The following EP400 variants were observed in gnomAD, a reference collection of about 807,000 sequenced individuals.
EP400 encodes E1A-binding protein p400.
Under a neutral mutation model 354.1 loss-of-function variants are expected in EP400, and 105 were observed. The observed-to-expected ratio is 0.30, with a 90% CI of 0.25 to 0.35. The LOEUF (loss-of-function observed/expected upper bound fraction) is 0.35, where lower values mean the gene tolerates loss of function less well. Among genes scored for constraint, EP400 ranks in the 10% least tolerant of loss-of-function variants. EP400 has a pLI of 1.00. For synonymous variants in EP400, 1,646 were observed against 1,716.9 expected (o/e 0.96, Z 1.02); for missense variants, 3,280 against 4,121.0 (o/e 0.80, Z 5.59).
chr12:132,031,716 C>T (rs1025079846), intron 29 of EP400, among the ~76,000 whole-genome samples: 3 of 152,048 alleles, frequency 2.0e-5, no homozygotes, highest in African/African-American at 7.2e-5. Flanking sequence ...CCACCACGCC[C>T]AGCTAATTTT....
In EP400 at chr12:132,062,734, C is replaced by T. The variant is rs374016272; in HGVS notation, c.8334+33C>T. On this transcript the variant is annotated intron_variant, in intron 47 of 52. Coordinates refer to ENST00000389561, the MANE Select transcript of EP400 (RefSeq NM_015409.5). The stretch of plus-strand genomic sequence containing the variant: ...TTTCCCAGAGGACCATGAACGTGTG[C>T]GTCTTGCGGTCAGTCAGCCCAGCGT... The T allele has an allele frequency of 1.9e-5, 30 of 1,607,666 alleles. No homozygotes were observed. The East Asian group carries it at 3.1e-4, about 17-fold the overall frequency.
rs1027786257 is a variant in EP400, at chr12:132,018,119, C to T, written c.4111-91C>T. On this transcript the variant is annotated intron_variant, in intron 20 of 52. Transcript: ENST00000389561. The surrounding 1 kb of genome is among the most constrained non-coding windows in gnomAD (Gnocchi z 4.0). ...TAGAGGGGGCGCGTCTGGATGCCCACGTTAGGGCCCTGCCATAGAAATCAG... is the reference window on the plus strand; with the variant it reads ...TAGAGGGGGCGCGTCTGGATGCCCATGTTAGGGCCCTGCCATAGAAATCAG... 3 of 1,545,752 alleles carry T rather than the reference C, an allele frequency of 1.9e-6. No homozygotes were observed. Among genetic ancestry groups the T allele is most frequent in the African/African-American group, 1.4e-5 (1 of 72,066 alleles).
intron 47 of EP400, among the ~76,000 whole-genome samples, chr12:132,063,984 C>A (rs1187840997): frequency 4.0e-5 from 6 of 150,886 alleles, no homozygotes; most frequent in Non-Finnish European, 7.4e-5. Flanking sequence ...CCCACAGCCA[C>A]ACAGGTACCT....
intron 47 of EP400, among the ~76,000 whole-genome samples, chr12:132,063,199 T>C (rs1895765317): frequency 6.6e-6 from 1 of 152,230 alleles, no homozygotes. Flanking sequence ...CTGTTCTTTA[T>C]GTAAATATAT....
At position 132,066,986 on chromosome 12, in the gene EP400, A is replaced by T. The variant is rs552403555; in HGVS notation, c.8749+17A>T. ...AGGCAGCAGGTGCCCGCCCCAGCAC[A>T]CCCTCCCGTCCTGGGCTTGAGCCTG... On this transcript the variant is annotated intron_variant, in intron 49 of 52. Coordinates refer to ENST00000389561, the MANE Select transcript of EP400 (RefSeq NM_015409.5). 1.9e-6 allele frequency: 3 copies of T among 1,574,394 alleles called. No individual in the cohort carries two copies. The highest frequency in any genetic ancestry group is 1.8e-5 in the Admixed American group (1 of 54,140).
intron 5 of EP400, among the ~76,000 whole-genome samples, chr12:131,984,085 A>T (rs1446777313): frequency 6.6e-6 from 1 of 152,028 alleles, no homozygotes; most frequent in Admixed American, 6.6e-5. Flanking sequence ...TTTTTAGTAA[A>T]GACGAGGTTT....
intron 12 of EP400, among the ~76,000 whole-genome samples, chr12:131,995,999 C>T (rs145931362): frequency 6.6e-6 from 1 of 152,270 alleles, no homozygotes; most frequent in African/African-American, 2.4e-5. Context: ...TTCATACGAA[C>T]GAATCCACCA....
rs575902813 is a variant in EP400, at chr12:131,994,904, A to T, written c.2775A>T (p.Ala925=). 3.1e-6 allele frequency: 5 copies of T among 1,614,186 alleles called. No homozygotes were observed. The East Asian group carries it at 1.1e-4, about 36-fold the overall frequency. Reference sequence around the variant, plus strand: ...AGGAAACAATTGAAGAGGAGGAAGCAAATGAAGGCGTTGTGGACCACCAAA... The same window carrying T: ...AGGAAACAATTGAAGAGGAGGAAGCTAATGAAGGCGTTGTGGACCACCAAA... ...DEEETIEEEE[A]NEGVVDHQTE... is the part of the protein sequence containing the mutation. Residue 925 remains alanine, a synonymous_variant, in exon 12 of 53, where the codon GCA becomes GCT. Transcript: ENST00000389561. The surrounding 1 kb of genome is among the most constrained non-coding windows in gnomAD (Gnocchi z 4.6).
At position 132,027,231 on chromosome 12, in the gene EP400, G is replaced by C. The variant is rs989453385; in HGVS notation, c.5015-206G>C. Reference sequence around the variant, plus strand: ...ATGGCCTGCGAGCCAGCATGCTTCCGTGGCAGGTCTAAAGCATTTAAGTTT... The same window carrying C: ...ATGGCCTGCGAGCCAGCATGCTTCCCTGGCAGGTCTAAAGCATTTAAGTTT... On this transcript the variant is annotated intron_variant, in intron 25 of 52. Transcript: ENST00000389561. This position sits in a 1 kb window ranked among gnomAD's most constrained non-coding sequence, Gnocchi z 4.9. 1.3e-5 allele frequency among the ~76,000 whole-genome samples: 2 copies of C among 152,232 alleles called. No homozygotes were observed. The highest frequency in any genetic ancestry group is 4.8e-5 in the African/African-American group (2 of 41,460).
rs554663829 is a variant in EP400, at chr12:132,066,429, G to A, written c.8554-345G>A. The A allele has an allele frequency of 4.2e-4, 104 of 248,064 alleles. 2 individuals are homozygous for A. The South Asian group carries it at 4.7e-3, about 11-fold the overall frequency. The allele number at this position is 248,064 out of a possible 1,614,324, so 15.4% of individuals were successfully genotyped here. On this transcript the variant is annotated intron_variant, in intron 48 of 52. Transcript: ENST00000389561. ...TGTCGAGTGCTCGCTGAAGGAACAG[G>A]AAGTGAAAAGCCTTCTGTGGGAAAA... is the stretch of plus-strand genomic sequence containing the variant.
chr12:132,046,026 A>ATTCAC (rs1895084486), intron 39 of EP400, 126 bp downstream of exon 39: 1 of 1,237,300 alleles, frequency 8.1e-7, no homozygotes, highest in Non-Finnish European at 1.1e-6. Flanking sequence ...TCTGCGGTGA[A>ATTCAC]GTCCATCTCC....
In EP400 at chr12:132,006,734, C is replaced by T; in HGVS notation, c.3161C>T (p.Ala1054Val). 6.2e-7 allele frequency: 1 copy of T among 1,611,506 alleles called. No individual in the cohort carries two copies. The highest frequency in any genetic ancestry group is 8.5e-7 in the Non-Finnish European group (1 of 1,179,260). Residue 1054 changes from alanine to valine, a missense_variant, in exon 15 of 53, where the codon GCT becomes GTT. By Grantham distance (64) the Ala-to-Val change is moderately conservative. This residue lies in a region of EP400 where 800 missense variants were observed against 840.0 expected (regional missense o/e 0.95). Transcript: ENST00000389561. Reference protein sequence around the residue: ...KFNAPSLLYGALRDYQKIGLD... With the variant: ...KFNAPSLLYGVLRDYQKIGLD... ...AATGCTCCATCTTTGTTGTATGGGG[C>T]TCTCAGAGATTATCAGAAGATTGGC...
rs758885843 is a variant in EP400 at position 131,979,834 on chromosome 12, T to C, written c.1435+41T>C. 15 of 1,524,304 alleles carry C rather than the reference T, an allele frequency of 9.8e-6. No homozygotes were observed. The East Asian group carries it at 3.5e-4, about 36-fold the overall frequency. The allele number at this position is 1,524,304 out of a possible 1,614,324, so 94.4% of individuals were successfully genotyped here. On this transcript the variant is annotated intron_variant, in intron 3 of 52. Coordinates refer to ENST00000389561, the MANE Select transcript of EP400 (RefSeq NM_015409.5). ...TAGCGTGGCCTCGGGAATGCCCCCC[T>C]CTCCTTGGGCTGCCGAGGTACAGTT... is the stretch of plus-strand genomic sequence containing the variant.
intron 1 of EP400, among the ~76,000 whole-genome samples, chr12:131,954,588 G>A (rs1333865077): frequency 1.3e-5 from 2 of 152,054 alleles, no homozygotes; most frequent in Non-Finnish European, 2.9e-5. Flanking sequence ...GGCCGGGCGT[G>A]GTGGTGTACG....
intron 2 of EP400, among the ~76,000 whole-genome samples, chr12:131,965,392 A>G (rs1417426024): frequency 6.6e-6 from 1 of 152,228 alleles, no homozygotes; most frequent in East Asian, 1.9e-4. Context: ...ACTATAAAGA[A>G]TCCATGCTGG....
At chr12:132,055,587 ATG>A (rs1895469273) in intron 45 of EP400, among the ~76,000 whole-genome samples, 1 of 60,036 alleles carries the variant, frequency 1.7e-5, no homozygotes, top group Non-Finnish European at 2.9e-5. Context: ...GTGTAGGGGT[ATG>A]TGTGGTATAG....
chr12:132,008,703 G>A (rs1465838656), intron 15 of EP400, among the ~76,000 whole-genome samples: 2 of 150,428 alleles, frequency 1.3e-5, no homozygotes, highest in East Asian at 2.0e-4. Flanking sequence ...GAGGCCTCCT[G>A]GGCAGGAGGA....
chr12:132,005,981 A>C, intron 13 of EP400, 131 bp from the exon 14 acceptor site: 2 of 847,308 alleles, frequency 2.4e-6, no homozygotes, highest in Non-Finnish European at 3.6e-6. Flanking sequence ...TGGATTACAA[A>C]TAAAAAATTA....
At chr12:131,959,067 T>G (rs1242112033) in intron 1 of EP400, among the ~76,000 whole-genome samples, 1 of 152,224 alleles carries the variant, frequency 6.6e-6, no homozygotes, top group Non-Finnish European at 1.5e-5. Flanking sequence ...CTGGCTTCTG[T>G]GGCAGGCCTA....
Sources: allele counts gnomAD v4.1 joint callset (sites outside exome capture counted in the v4.1 genomes callset), GRCh38; gene constraint gnomAD v4.1.1; regional missense constraint gnomAD v4.1.1; non-coding constraint Gnocchi (gnomAD v3.1); transcripts MANE v1.5; gene names NCBI Gene and HGNC (gene_info 2026-07-23, HGNC 2026-07-21).